RPL13: variants seen among roughly 807,000 people sequenced by gnomAD.
The protein encoded by RPL13 is ribosomal protein L13, also known as large ribosomal subunit protein eL13.
RPL13 carries 1 observed loss-of-function variant against 21.4 expected under a neutral mutation model. That is an observed-to-expected ratio of 0.05 (90% CI 0.02 to 0.22). The LOEUF (loss-of-function observed/expected upper bound fraction) is 0.22. Among genes scored for constraint, RPL13 ranks in the 10% least tolerant of loss-of-function variants. RPL13 has a pLI of 1.00. For missense variants in RPL13, 289 were observed against 303.0 expected, an observed-to-expected ratio of 0.95 and a Z score of 0.34; for synonymous variants, 143 against 120.5, an observed-to-expected ratio of 1.19 and a Z score of -1.23.
In RPL13 at chr16:89,560,935, C is replaced by G; in HGVS notation, c.-20-5C>G. 6.3e-7 allele frequency: 1 copy of G among 1,586,414 alleles called. No homozygotes were observed. Among genetic ancestry groups the G allele is most frequent in the South Asian group, 1.1e-5 (1 of 87,488 alleles). On this transcript the variant is annotated splice_polypyrimidine_tract_variant and splice_region_variant and intron_variant, in intron 1 of 5. Coordinates refer to ENST00000311528, the MANE Select transcript of RPL13 (RefSeq NM_000977.4). ...GCCTCTCACTCGCTCCCCTCTCGTC[C>G]GCAGCCGCAGGGCCGTAGGCAGCCA... is the stretch of plus-strand genomic sequence containing the variant.
In RPL13 at chr16:89,562,371, C is replaced by T. The variant is rs185077096; in HGVS notation, c.457C>T (p.Pro153Ser). 7 of 1,612,470 alleles carry T rather than the reference C, an allele frequency of 4.3e-6. No homozygotes were observed. The highest frequency in any genetic ancestry group is 5.9e-6 in the Non-Finnish European group (7 of 1,179,688). Residue 153 changes from proline (P) to serine (S), a missense_variant, in exon 5 of 6, where the codon CCG (proline) becomes TCG (serine). Physicochemically the swap from Pro to Ser is moderately conservative, Grantham distance 74. Transcript: ENST00000311528. ...ELKLATQLTG[P>S]VMPVRNVYKK... is the part of the protein sequence containing the mutation. The stretch of plus-strand genomic sequence containing the variant: ...GAAACTGGCCACCCAGCTGACCGGA[C>T]CGGTCATGCCCGTCCGGAACGTAAG...
Position 89,562,329 on chromosome 16 carries a change from CA to C in RPL13, c.421-4del. ...ACCCCACTTAACTCTTCTCATTCAC[CA>C]ACAGGCTGAAGAACTGAAACTGGCC... On this transcript the variant is annotated splice_region_variant and splice_polypyrimidine_tract_variant and intron_variant, in intron 4 of 5. Transcript: ENST00000311528. 1 of 1,613,204 alleles carries C rather than the reference CA, an allele frequency of 6.2e-7. No individual in the cohort carries two copies. Among genetic ancestry groups the C allele is most frequent in the Non-Finnish European group, 8.5e-7 (1 of 1,179,896 alleles).
At chr16:89,560,740 G>C in intron 1 of RPL13, 28 bp downstream of exon 1, 1 of 509,358 alleles carries the variant, frequency 2.0e-6, no homozygotes. Flanking sequence ...CTGGCCTTTG[G>C]GCATCATCCA....
chr16:89,561,635 A>C lies in RPL13; in HGVS notation c.304A>C (p.Arg102=), dbSNP rs759497289. Residue 102 remains arginine, a synonymous_variant, in exon 4 of 6, where the codon AGG becomes CGG. Transcript: ENST00000311528. ...RTIGISVDPR[R]RNKSTESLQA... Reference sequence around the variant, plus strand: ...CATCGGCATTTCTGTGGATCCGAGGAGGCGGAACAAGTCCACGGAGTCCCT... The same window carrying C: ...CATCGGCATTTCTGTGGATCCGAGGCGGCGGAACAAGTCCACGGAGTCCCT... 42 of 1,613,660 alleles carry C rather than the reference A, an allele frequency of 2.6e-5. No individual in the cohort carries two copies. Among genetic ancestry groups the C allele is most frequent in the Non-Finnish European group, 3.6e-5 (42 of 1,180,032 alleles).
At chr16:89,562,119 A>ATATC (rs1567941308) in intron 4 of RPL13, 1 of 609,800 alleles carries the variant, frequency 1.6e-6, no homozygotes, top group African/African-American at 1.9e-5. Context: ...TCACAGGTAG[A>ATATC]TAACTGTCTC....
At position 89,560,924 on chromosome 16, in the gene RPL13, C is replaced by G; in HGVS notation, c.-20-16C>G. ...CCCGGGGTCCGGCCTCTCACTCGCT[C>G]CCCTCTCGTCCGCAGCCGCAGGGCC... is the stretch of plus-strand genomic sequence containing the variant. On this transcript the variant is annotated splice_polypyrimidine_tract_variant and intron_variant, in intron 1 of 5. Transcript: ENST00000311528. The G allele has an allele frequency of 3.8e-6, 6 of 1,567,718 alleles. No individual in the cohort carries two copies. Among genetic ancestry groups the G allele is most frequent in the South Asian group, 1.2e-5 (1 of 86,004 alleles).
At chr16:89,561,813 C>G (rs918641815) in intron 4 of RPL13, 62 bp downstream of exon 4, 4 of 1,557,030 alleles carry the variant, frequency 2.6e-6, no homozygotes, top group Non-Finnish European at 3.5e-6. Flanking sequence ...GCTCCTTTAT[C>G]AGTGACACCG....
At chr16:89,561,149 C>A in intron 2 of RPL13, 78 bp from the exon 3 acceptor site, 1 of 1,514,382 alleles carries the variant, frequency 6.6e-7, no homozygotes, top group African/African-American at 1.4e-5. Context: ...GGGCGGGGGG[C>A]GCTGTCTGCA....
In RPL13 at chr16:89,561,021, G is replaced by A. The variant is rs140336108; in HGVS notation, c.62G>A (p.Arg21His). The change falls in exon 2 of 6, where the codon CGC becomes CAC. Residue 21 changes from arginine to histidine, a missense_variant. By Grantham distance (29) the Arg-to-His change is conservative (BLOSUM62 0). Transcript: ENST00000311528. ...KPHFHKDWQR[R>H]VATWFNQPAR... Reference sequence around the variant, plus strand: ...CACTTCCACAAGGACTGGCAGCGGCGCGTGGCCACGTGGTTCAACCAGCCG... The same window carrying A: ...CACTTCCACAAGGACTGGCAGCGGCACGTGGCCACGTGGTTCAACCAGCCG... 13 of 1,606,714 alleles carry A rather than the reference G, an allele frequency of 8.1e-6. No homozygotes were observed. In the African/African-American group the frequency reaches 1.5e-4, roughly 18 times the overall value.
Position 89,563,286 on chromosome 16 carries a change from G to A in RPL13, c.*244G>A, listed in dbSNP as rs773366804. 3.0e-5 allele frequency: 10 copies of A among 328,794 alleles called. 1 individual carries two copies. Among genetic ancestry groups the A allele is most frequent in the Middle Eastern group, 8.3e-4 (1 of 1,202 alleles). 20.4% of individuals were successfully genotyped at this position (328,794 alleles called of 1,614,324 possible). On this transcript the variant is annotated 3_prime_UTR_variant, in exon 6 of 6. Coordinates refer to ENST00000311528, the MANE Select transcript of RPL13 (RefSeq NM_000977.4). The stretch of plus-strand genomic sequence containing the variant: ...GTTTTCTTGTGGGGAGGTTACAGAG[G>A]CTGACTTCAGAGTGGACTTGTGTTT...
At chr16:89,561,114 C>T (rs560428678) in intron 2 of RPL13, 51 bp downstream of exon 2, 1 of 1,556,464 alleles carries the variant, frequency 6.4e-7, no homozygotes, top group African/African-American at 1.4e-5. Flanking sequence ...GCGGCTGCGC[C>T]TTGGCTTGCG....
chr16:89,566,245 C>CCGGTGAT (rs1331385219), downstream of RPL13: 3 of 150,646 alleles, frequency 2.0e-5, no homozygotes, highest in African/African-American at 7.4e-5. Flanking sequence ...GTCACGTGCC[C>CCGGTGAT]CGGTGATCGG....
chr16:89,561,532 G>A (rs1339782826), intron 3 of RPL13, 46 bp from the exon 4 acceptor site: 2 of 1,613,098 alleles, frequency 1.2e-6, no homozygotes, highest in Admixed American at 1.7e-5. Context: ...CCTCGGGGCT[G>A]GAGAAAGCCC....
intron 1 of RPL13, 105 bp downstream of exon 1, chr16:89,560,817 T>C (rs1567940125): frequency 6.7e-6 from 4 of 599,270 alleles, no homozygotes; most frequent in Non-Finnish European, 1.1e-5. Flanking sequence ...GCAGACAGCG[T>C]TCGGCCGCTG....
At chr16:89,562,723 A>C (rs1284380823) in intron 5 of RPL13, 161 bp from the exon 6 acceptor site, 2 of 691,510 alleles carry the variant, frequency 2.9e-6, no homozygotes, top group East Asian at 3.2e-5. Flanking sequence ...TTTTTTTTTA[A>C]ATCCCAGGGA....
intron 5 of RPL13, 63 bp downstream of exon 5, chr16:89,562,454 C>CT (rs1455390347): frequency 6.6e-7 from 1 of 1,517,052 alleles, no homozygotes; most frequent in Non-Finnish European, 9.0e-7. Flanking sequence ...ACGTGGGTAT[C>CT]TGAGATGCGG....
At chr16:89,561,865 G>C in intron 4 of RPL13, 114 bp downstream of exon 4, 1 of 1,159,856 alleles carries the variant, frequency 8.6e-7, no homozygotes, top group Non-Finnish European at 1.2e-6. Flanking sequence ...AAAACATTGT[G>C]GGTGATGAGC....
chr16:89,561,968 A>G (rs1355573830), intron 4 of RPL13: 4 of 617,022 alleles, frequency 6.5e-6, no homozygotes, highest in Non-Finnish European at 1.1e-5. Flanking sequence ...AGCTTTTTCC[A>G]TTGACGTTGC....
chr16:89,561,618 T>C lies in RPL13; in HGVS notation c.287T>C (p.Ile96Thr), dbSNP rs776651716. 1 of 1,613,752 alleles carries C rather than the reference T, an allele frequency of 6.2e-7. No individual in the cohort carries two copies. Among genetic ancestry groups the C allele is most frequent in the East Asian group, 2.2e-5 (1 of 44,880 alleles). ...AAGAAGGTGGCCCGGACCATCGGCA[T>C]TTCTGTGGATCCGAGGAGGCGGAAC... ...IHKKVARTIGISVDPRRRNKS... is the reference protein window; with the variant it reads ...IHKKVARTIGTSVDPRRRNKS... The change falls in exon 4 of 6, where the codon ATT becomes ACT. Residue 96 changes from isoleucine (I) to threonine (T), a missense_variant. Ile to Thr is a moderately conservative substitution (Grantham distance 89). Coordinates refer to ENST00000311528, the MANE Select transcript of RPL13 (RefSeq NM_000977.4).
Sources: allele counts gnomAD v4.1 joint callset, GRCh38; gene constraint gnomAD v4.1.1; transcripts MANE v1.5; gene names NCBI Gene and HGNC (gene_info 2026-07-23, HGNC 2026-07-21).